Variants in CLYBL observed in about 807,000 individuals in gnomAD.
The protein encoded by CLYBL is citramalyl-CoA lyase, mitochondrial.
Under a neutral mutation model 38.9 loss-of-function variants are expected in CLYBL, and 31 were observed. That is an observed-to-expected ratio of 0.80 (90% confidence interval 0.60 to 1.08). The LOEUF is 1.08. Among genes scored for constraint, CLYBL ranks in the 50% least tolerant of loss-of-function variants. The pLI is 0.00. For synonymous variants in CLYBL, 171 were observed against 158.6 expected, an observed-to-expected ratio of 1.08 and a Z score of -0.59; for missense variants, 434 against 411.6, an observed-to-expected ratio of 1.05 and a Z score of -0.47.
chr13:99,829,723 T>A (rs1030256795), intron 2 of CLYBL, among the ~76,000 whole-genome samples: 1 of 152,152 alleles, frequency 6.6e-6, no homozygotes, highest in African/African-American at 2.4e-5. Context: ...CCTCTAAGGG[T>A]ACAGTGAAGG....
chr13:99,635,298 G>T lies in CLYBL; in HGVS notation c.62+28541G>T, dbSNP rs1336942209. The stretch of plus-strand genomic sequence containing the variant: ...TTCTCTGTCATGATTTTTATAATCT[G>T]CACCACGCCCCCCACACCCCCAACC... On this transcript the variant is annotated intron_variant, in intron 1 of 8. Transcript: ENST00000339105. 5.3e-5 allele frequency among the ~76,000 whole-genome samples: 8 copies of T among 151,988 alleles called. No homozygotes were observed. In the East Asian group the frequency reaches 1.6e-3, roughly 30 times the overall value.
chr13:99,781,611 G>T (rs949666517), intron 2 of CLYBL, among the ~76,000 whole-genome samples: 83 of 152,134 alleles, frequency 5.5e-4, no homozygotes, highest in African/African-American at 2.0e-3. Context: ...GGGTAGCTGG[G>T]ATTACAAGTG....
At chr13:99,641,094 C>T (rs2047086302) in intron 1 of CLYBL, among the ~76,000 whole-genome samples, 1 of 152,178 alleles carries the variant, frequency 6.6e-6, no homozygotes, top group South Asian at 2.1e-4. Flanking sequence ...ATTGAGCGTT[C>T]TCTGAATATT....
chr13:99,679,375 C>G (rs16956821), intron 1 of CLYBL, among the ~76,000 whole-genome samples: 5,058 of 152,026 alleles, frequency 0.033, 290 homozygotes, highest in African/African-American at 0.12. Context: ...AAATTCTGCC[C>G]TGGATACATG....
chr13:99,836,564 G>C (rs1458216971), intron 2 of CLYBL, among the ~76,000 whole-genome samples: 1 of 152,214 alleles, frequency 6.6e-6, no homozygotes, highest in African/African-American at 2.4e-5. Context: ...CAAAGTCCCA[G>C]TTTCAGGGCT....
intron 1 of CLYBL, among the ~76,000 whole-genome samples, chr13:99,614,803 C>T (rs903656071): frequency 6.6e-6 from 1 of 152,128 alleles, no homozygotes. Context: ...AAGATCAACT[C>T]TTTACTGCAG....
intron 1 of CLYBL, among the ~76,000 whole-genome samples, chr13:99,741,863 T>A (rs4448786): frequency 0.86 from 130,805 of 152,248 alleles, 56,284 homozygotes; most frequent in Middle Eastern, 0.94. Flanking sequence ...TTTTTTTTAA[T>A]GTTTAGTTTC....
chr13:99,834,857 T>C (rs915763804), intron 2 of CLYBL, among the ~76,000 whole-genome samples: 1 of 152,250 alleles, frequency 6.6e-6, no homozygotes, highest in African/African-American at 2.4e-5. Flanking sequence ...TTTTGTCTTA[T>C]TGTTCAATTG....
At chr13:99,656,467 T>C (rs2047332464) in intron 1 of CLYBL, among the ~76,000 whole-genome samples, 1 of 152,234 alleles carries the variant, frequency 6.6e-6, no homozygotes. Context: ...TATGTTCCTC[T>C]CTAGTTCATT....
intron 7 of CLYBL, among the ~76,000 whole-genome samples, chr13:99,887,378 G>T (rs2052377178): frequency 1.3e-5 from 2 of 152,166 alleles, no homozygotes; most frequent in Admixed American, 1.3e-4. Flanking sequence ...TTTACTAACT[G>T]CAGGGCTAAG....
intron 1 of CLYBL, among the ~76,000 whole-genome samples, chr13:99,770,204 C>CTGAGT (rs1174658582): frequency 6.6e-6 from 1 of 151,862 alleles, no homozygotes; most frequent in Non-Finnish European, 1.5e-5. Flanking sequence ...TCTCGCTACT[C>CTGAGT]AGCCGCCCAA....
At chr13:99,751,198 A>G (rs4772237) in intron 1 of CLYBL, among the ~76,000 whole-genome samples, 16,152 of 152,102 alleles carry the variant, frequency 0.11, 1,028 homozygotes, top group East Asian at 0.18. Context: ...GACATACGCT[A>G]TAACATGGTT....
At chr13:99,730,690 G>A (rs1378164872) in intron 1 of CLYBL, among the ~76,000 whole-genome samples, 2 of 152,142 alleles carry the variant, frequency 1.3e-5, no homozygotes, top group Admixed American at 6.5e-5. Flanking sequence ...GAGTCTTGGC[G>A]GGAGGAGCAT....
rs1306470694 is a variant in CLYBL, at chr13:99,865,535, C to T, written c.634+624C>T. Reference sequence around the variant, plus strand: ...AAGAGGCCGAGGCCACAGAAACCAGCCCCAGTGACCTGAAGACAGGCACTT... The same window carrying T: ...AAGAGGCCGAGGCCACAGAAACCAGTCCCAGTGACCTGAAGACAGGCACTT... On this transcript the variant is annotated intron_variant, in intron 5 of 8. Coordinates refer to ENST00000339105, the MANE Select transcript of CLYBL (RefSeq NM_206808.5). The surrounding 1 kb of genome is among the most constrained non-coding windows in gnomAD (Gnocchi z 4.7). Among the ~76,000 whole-genome samples the T allele has an allele frequency of 6.6e-6, 1 of 152,170 alleles. No individual in the cohort carries two copies. Among genetic ancestry groups the T allele is most frequent in the African/African-American group, 2.4e-5 (1 of 41,438 alleles).
In CLYBL at chr13:99,661,191, A is replaced by G. The variant is rs140186146; in HGVS notation, c.62+54434A>G. Among the ~76,000 whole-genome samples, 885 of 152,328 alleles carry G rather than the reference A, an allele frequency of 5.8e-3. 5 individuals are homozygous for G. The highest frequency in any genetic ancestry group is 9.5e-3 in the Non-Finnish European group (643 of 68,008). ...TTATTTGGTCTCCTTAATTTTAAGC[A>G]TAATACTCTTTACTTTGAATAGTCT... On this transcript the variant is annotated intron_variant, in intron 1 of 8. Coordinates refer to ENST00000339105, the MANE Select transcript of CLYBL (RefSeq NM_206808.5).
chr13:99,656,899 A>G (rs1157127939), intron 1 of CLYBL, among the ~76,000 whole-genome samples: 1 of 152,228 alleles, frequency 6.6e-6, no homozygotes, highest in African/African-American at 2.4e-5. Flanking sequence ...ACAGGAAATC[A>G]TGGTTGATGT....
chr13:99,742,179 G>A (rs190350545), intron 1 of CLYBL, among the ~76,000 whole-genome samples: 82 of 152,220 alleles, frequency 5.4e-4, no homozygotes, highest in East Asian at 7.7e-4. Context: ...ACTCGGTTCC[G>A]GGAGCCCTTT....
At chr13:99,623,545 G>A (rs1594088266) in intron 1 of CLYBL, among the ~76,000 whole-genome samples, 1 of 152,020 alleles carries the variant, frequency 6.6e-6, no homozygotes, top group Non-Finnish European at 1.5e-5. Flanking sequence ...AGCAGGGAAG[G>A]CAAACACCCA....
chr13:99,657,219 A>AT (rs1460444112), intron 1 of CLYBL, among the ~76,000 whole-genome samples: 5 of 152,232 alleles, frequency 3.3e-5, no homozygotes, highest in Non-Finnish European at 7.3e-5. Flanking sequence ...CTGCAGAAAA[A>AT]TAAAAACATG....
Sources: gnomAD v4.1 joint callset for allele counts (sites outside exome capture counted in the v4.1 genomes callset) on GRCh38, gnomAD v4.1.1 for gene constraint, Gnocchi (gnomAD v3.1) non-coding constraint, MANE v1.5 for transcripts, NCBI Gene and HGNC (gene_info 2026-07-23, HGNC 2026-07-21) for gene names.